SNAP91: variants seen among roughly 807,000 people sequenced by gnomAD.
SNAP91 encodes clathrin coat assembly protein AP180.
In SNAP91, 27 loss-of-function variants were observed where a neutral mutation model predicts 100.3. The ratio of observed to expected loss-of-function variants is 0.27; its 90% CI spans 0.20 to 0.37. The LOEUF (loss-of-function observed/expected upper bound fraction) is 0.37. Among genes scored for constraint, SNAP91 ranks in the 10% least tolerant of loss-of-function variants. The pLI, the probability that SNAP91 is intolerant of heterozygous loss-of-function variation, is 1.00. For synonymous variants in SNAP91, 404 were observed against 398.6 expected (o/e 1.01, Z -0.16); for missense variants, 986 against 1,123.7 (o/e 0.88, Z 1.75).
intron 26 of SNAP91, among the ~76,000 whole-genome samples, chr6:83,567,895 TG>T (rs1799257398): frequency 1.3e-5 from 2 of 152,080 alleles, no homozygotes; most frequent in Admixed American, 6.6e-5. Context: ...ACACTGTTGG[TG>T]GGACTGTAAA....
chr6:83,606,228 G>C (rs1394186824), intron 13 of SNAP91, among the ~76,000 whole-genome samples: 1 of 151,932 alleles, frequency 6.6e-6, no homozygotes, highest in Non-Finnish European at 1.5e-5. Context: ...AAAATCTTTT[G>C]TATAGAAAAA....
At chr6:83,657,749 C>T (rs1472682132) in intron 6 of SNAP91, among the ~76,000 whole-genome samples, 1 of 145,398 alleles carries the variant, frequency 6.9e-6, no homozygotes, top group East Asian at 2.1e-4. Flanking sequence ...AAATATTTTA[C>T]TTTCATGAAT....
intron 21 of SNAP91, among the ~76,000 whole-genome samples, chr6:83,591,949 C>G (rs1485975266): frequency 1.3e-5 from 2 of 152,214 alleles, no homozygotes; most frequent in African/African-American, 4.8e-5. Context: ...ATCAGCAACA[C>G]ATTTTCCAAT....
At chr6:83,580,337 A>G in intron 24 of SNAP91, 113 bp downstream of exon 24, 2 of 1,128,328 alleles carry the variant, frequency 1.8e-6, no homozygotes, top group Non-Finnish European at 1.3e-6. Flanking sequence ...ATACTCACCC[A>G]TAAGAGAGTC....
At chr6:83,603,518 T>A (rs1264570600) in intron 14 of SNAP91, among the ~76,000 whole-genome samples, 1 of 152,042 alleles carries the variant, frequency 6.6e-6, no homozygotes, top group Non-Finnish European at 1.5e-5. Context: ...GCCACTGCAC[T>A]CAGTTTTTTT....
chr6:83,629,639 G>C (rs541750314), intron 8 of SNAP91, among the ~76,000 whole-genome samples: 21 of 152,042 alleles, frequency 1.4e-4, no homozygotes, highest in Non-Finnish European at 2.8e-4. Context: ...TTGAGATCTT[G>C]ATTTGATTCT....
Position 83,562,805 on chromosome 6 carries a change from G to A in SNAP91, c.2443-1858C>T, listed in dbSNP as rs1289117169. On this transcript the variant is annotated intron_variant, in intron 26 of 29. Coordinates refer to ENST00000369694, the MANE Select transcript of SNAP91 (RefSeq NM_001242792.2). ...AGGTGATATCCTGGACCCCAATAAA[G>A]GCCTTGGCCCACAGATCCCTCACTC... Among the ~76,000 whole-genome samples the A allele has an allele frequency of 2.6e-5, 4 of 152,274 alleles. No individual in the cohort carries two copies. The East Asian group carries it at 5.8e-4, about 22-fold the overall frequency.
At chr6:83,631,837 T>C (rs2097216045) in intron 8 of SNAP91, among the ~76,000 whole-genome samples, 2 of 152,266 alleles carry the variant, frequency 1.3e-5, no homozygotes, top group Admixed American at 1.3e-4. Flanking sequence ...TTACATTCAA[T>C]GTTAGTATTG....
intron 24 of SNAP91, 78 bp downstream of exon 24, chr6:83,580,371 GA>G: frequency 1.7e-6 from 2 of 1,205,800 alleles, no homozygotes; most frequent in East Asian, 2.6e-5. Flanking sequence ...TATGAGATGA[GA>G]GAGAGAGAGA....
At chr6:83,565,941 A>C (rs529159003) in intron 26 of SNAP91, among the ~76,000 whole-genome samples, 8 of 152,300 alleles carry the variant, frequency 5.3e-5, no homozygotes, top group Admixed American at 5.2e-4. Flanking sequence ...CATGACCCAG[A>C]GTTCTATTCC....
At chr6:83,707,733 C>G in intron 2 of SNAP91, 65 bp downstream of exon 2, 1 of 1,592,250 alleles carries the variant, frequency 6.3e-7, no homozygotes, top group Non-Finnish European at 8.5e-7. Flanking sequence ...GAGCGCAGGC[C>G]GCACCACCAG....
rs143084254 is a variant in SNAP91, at chr6:83,618,592, G to A, written c.808-1553C>T. Among the ~76,000 whole-genome samples the A allele has an allele frequency of 4.3e-3, 660 of 151,806 alleles. 5 individuals are homozygous for A. Among genetic ancestry groups the A allele is most frequent in the African/African-American group, 0.015 (633 of 41,462 alleles). On this transcript the variant is annotated intron_variant, in intron 9 of 29. Coordinates refer to ENST00000369694, the MANE Select transcript of SNAP91 (RefSeq NM_001242792.2). ...AAGAAATGCTCATTGAATAAAGAAT[G>A]TACATAGTAACATTAAAAATAAAAA...
chr6:83,614,671 A>G (rs2128337662), intron 11 of SNAP91, among the ~76,000 whole-genome samples, 186 bp downstream of exon 11: 1 of 152,300 alleles, frequency 6.6e-6, no homozygotes, highest in South Asian at 2.1e-4. Context: ...AGACCGAAAG[A>G]AAGTAAAACC....
chr6:83,643,872 C>T (rs1315518762), intron 7 of SNAP91, among the ~76,000 whole-genome samples: 5 of 152,130 alleles, frequency 3.3e-5, no homozygotes, highest in Non-Finnish European at 7.4e-5. Context: ...AGAGAAAAGA[C>T]AGTCTTTTAA....
At chr6:83,655,050 T>C (rs1562524515) in intron 7 of SNAP91, among the ~76,000 whole-genome samples, 1 of 152,176 alleles carries the variant, frequency 6.6e-6, no homozygotes, top group Non-Finnish European at 1.5e-5. Context: ...TAAGGCTGAA[T>C]GTATTTAGTG....
intron 5 of SNAP91, among the ~76,000 whole-genome samples, chr6:83,660,227 G>A (rs1181243439): frequency 2.0e-5 from 3 of 152,178 alleles, no homozygotes; most frequent in African/African-American, 7.2e-5. Flanking sequence ...ATCAGCAATG[G>A]TTGCATGGTG....
intron 2 of SNAP91, among the ~76,000 whole-genome samples, chr6:83,692,514 C>CAAAA (rs11465130): frequency 6.7e-6 from 1 of 148,438 alleles, no homozygotes. Context: ...GACTCTGTCT[C>CAAAA]AAAAAAAAAA....
chr6:83,693,705 T>A (rs1323133978), intron 2 of SNAP91, among the ~76,000 whole-genome samples: 1 of 152,244 alleles, frequency 6.6e-6, no homozygotes, highest in Non-Finnish European at 1.5e-5. Flanking sequence ...CCTTTTGCTA[T>A]CAAGCAGAGA....
intron 16 of SNAP91, among the ~76,000 whole-genome samples, chr6:83,600,007 A>G (rs377272822): frequency 6.6e-6 from 1 of 151,260 alleles, no homozygotes; most frequent in Admixed American, 6.6e-5. Flanking sequence ...CTGGTCTCAA[A>G]CTCCTGAGCT....
Sources: gnomAD v4.1 joint callset for allele counts (sites outside exome capture counted in the v4.1 genomes callset) on GRCh38, gnomAD v4.1.1 for gene constraint, MANE v1.5 for transcripts, NCBI Gene and HGNC (gene_info 2026-07-23, HGNC 2026-07-21) for gene names.